The following MAPK4 variants were observed in gnomAD, a reference collection of about 807,000 sequenced individuals.
MAPK4 encodes the protein mitogen-activated protein kinase 4, also known as Erk3-related.
A neutral mutation model predicts 47.7 loss-of-function variants in MAPK4; 22 were observed. That is an observed-to-expected ratio of 0.46 (90% confidence interval 0.33 to 0.66). The LOEUF is 0.66. Ranked by LOEUF, MAPK4 falls within the 30% of genes least tolerant of loss-of-function variation. The probability of loss-of-function intolerance (pLI) is 0.02; values close to 1 mark genes in which losing one functional copy is unlikely to be tolerated. For synonymous variants in MAPK4, 390 were observed against 365.7 expected, an observed-to-expected ratio of 1.07 and a Z score of -0.76; for missense variants, 736 against 831.7, an observed-to-expected ratio of 0.88 and a Z score of 1.42.
chr18:50,655,044 C>T (rs1323860163), intron 1 of MAPK4, among the ~76,000 whole-genome samples: 1 of 152,238 alleles, frequency 6.6e-6, no homozygotes, highest in Non-Finnish European at 1.5e-5. Context: ...CCTCTAACCA[C>T]CCCACCTCAG....
At chr18:50,728,180 T>C (rs1446491263) in intron 5 of MAPK4, among the ~76,000 whole-genome samples, 2 of 152,332 alleles carry the variant, frequency 1.3e-5, no homozygotes, top group South Asian at 2.1e-4. Flanking sequence ...TGCAGGCTGA[T>C]GTCCTCTGTG....
chr18:50,578,773 A>G (rs961927920), intron 1 of MAPK4, among the ~76,000 whole-genome samples: 1 of 152,168 alleles, frequency 6.6e-6, no homozygotes, highest in South Asian at 2.1e-4. Context: ...AAAGGACACC[A>G]CAGTACTGCT....
chr18:50,644,513 T>C (rs989452398), intron 1 of MAPK4, among the ~76,000 whole-genome samples: 2 of 152,094 alleles, frequency 1.3e-5, no homozygotes, highest in African/African-American at 4.8e-5. Flanking sequence ...TACCCACTGC[T>C]CCAAAGGGCT....
intron 2 of MAPK4, among the ~76,000 whole-genome samples, chr18:50,665,402 G>A (rs1167347071): frequency 6.6e-6 from 1 of 152,152 alleles, no homozygotes; most frequent in African/African-American, 2.4e-5. Context: ...GCTGGCTGTG[G>A]CTTCCAGCCT....
chr18:50,610,622 A>G (rs1568044277), intron 1 of MAPK4, among the ~76,000 whole-genome samples: 1 of 152,212 alleles, frequency 6.6e-6, no homozygotes, highest in South Asian at 2.1e-4. Context: ...CCAGCCCAGT[A>G]TAATTGAACA....
intron 1 of MAPK4, among the ~76,000 whole-genome samples, chr18:50,593,926 G>A (rs891481499): frequency 1.3e-5 from 2 of 152,200 alleles, no homozygotes; most frequent in Non-Finnish European, 2.9e-5. Flanking sequence ...CAAACTGTCT[G>A]CAAGGTGTGG....
chr18:50,654,515 T>C (rs2144220132), intron 1 of MAPK4, among the ~76,000 whole-genome samples: 1 of 152,318 alleles, frequency 6.6e-6, no homozygotes, highest in Non-Finnish European at 1.5e-5. Flanking sequence ...ATAATTGCAC[T>C]GATTTAGATT....
intron 1 of MAPK4, among the ~76,000 whole-genome samples, chr18:50,592,349 G>C (rs2042443735): frequency 6.6e-6 from 1 of 152,164 alleles, no homozygotes; most frequent in Non-Finnish European, 1.5e-5. Context: ...CAGGGCTCGA[G>C]GAGAAACAGT....
intron 2 of MAPK4, among the ~76,000 whole-genome samples, chr18:50,676,872 C>T (rs1476554030): frequency 6.6e-6 from 1 of 152,132 alleles, no homozygotes. Context: ...AAGTTTAAAA[C>T]AAGGAGAAAA....
intron 2 of MAPK4, among the ~76,000 whole-genome samples, chr18:50,668,204 C>T (rs985095321): frequency 2.2e-4 from 33 of 152,202 alleles, no homozygotes; most frequent in Non-Finnish European, 1.0e-4. Context: ...AGGTCCTGAG[C>T]ACAGAAGCAT....
intron 1 of MAPK4, among the ~76,000 whole-genome samples, chr18:50,642,257 G>A (rs1568058456): frequency 6.6e-6 from 1 of 152,278 alleles, no homozygotes; most frequent in African/African-American, 2.4e-5. Flanking sequence ...ATGTATTATT[G>A]TATATTTGGG....
intron 1 of MAPK4, among the ~76,000 whole-genome samples, chr18:50,575,575 G>A (rs1422814685): frequency 6.6e-6 from 1 of 151,996 alleles, no homozygotes; most frequent in East Asian, 1.9e-4. Flanking sequence ...AAAGTGTAAG[G>A]CAAAGATTTC....
In MAPK4 at chr18:50,725,631, C is replaced by A. The variant is rs1250810439; in HGVS notation, c.854-331C>A. On this transcript the variant is annotated intron_variant, in intron 4 of 5. Coordinates refer to ENST00000400384, the MANE Select transcript of MAPK4 (RefSeq NM_002747.4). ...GTTCCCCCTCACTCCCCCACCTGTG[C>A]TTGCTGGGATCCCCCACCACATAAA... Among the ~76,000 whole-genome samples the A allele has an allele frequency of 2.6e-5, 4 of 152,204 alleles. No individual in the cohort carries two copies. The East Asian group carries it at 5.8e-4, about 22-fold the overall frequency.
rs549300580 is a variant in MAPK4 at position 50,571,585 on chromosome 18, C to A, written c.-871+11342C>A. 4.6e-5 allele frequency among the ~76,000 whole-genome samples: 7 copies of A among 152,268 alleles called. No individual in the cohort carries two copies. In the South Asian group the frequency reaches 1.5e-3, roughly 32 times the overall value. On this transcript the variant is annotated intron_variant, in intron 1 of 5. Transcript: ENST00000400384. ...TCACTTTAGGTACAAGCCCAAATTT[C>A]TTTTATCAGTAACTTGGGCTCTTAA...
chr18:50,645,392 A>G (rs1309121589), intron 1 of MAPK4, among the ~76,000 whole-genome samples: 1 of 152,262 alleles, frequency 6.6e-6, no homozygotes, highest in Non-Finnish European at 1.5e-5. Flanking sequence ...TGACAGCACC[A>G]TGAGCTCTCA....
In MAPK4 at chr18:50,611,143, A is replaced by G. The variant is rs1409243190; in HGVS notation, c.-871+50900A>G. 2.0e-5 allele frequency among the ~76,000 whole-genome samples: 3 copies of G among 152,222 alleles called. No individual in the cohort carries two copies. The East Asian group carries it at 5.8e-4, about 29-fold the overall frequency. On this transcript the variant is annotated intron_variant, in intron 1 of 5. Transcript: ENST00000400384. ...AAGAGCAGGTTCTCGCTTACGTGAC[A>G]AAATGTCTCAAATTTGGGTAGGTTC... is the stretch of plus-strand genomic sequence containing the variant.
intron 1 of MAPK4, among the ~76,000 whole-genome samples, chr18:50,633,133 A>G (rs17662516): frequency 0.16 from 24,449 of 152,202 alleles, 2,008 homozygotes; most frequent in Non-Finnish European, 0.18. Context: ...GCAGGGAAGA[A>G]TCAGCACAGC....
intron 1 of MAPK4, among the ~76,000 whole-genome samples, chr18:50,569,834 A>G (rs3853680): frequency 0.78 from 118,107 of 152,218 alleles, 46,077 homozygotes; most frequent in Middle Eastern, 0.84. Context: ...GGCCGTCAAT[A>G]CGCTGCTCAG....
intron 1 of MAPK4, among the ~76,000 whole-genome samples, chr18:50,623,296 TGC>T (rs1188693153): frequency 1.3e-5 from 2 of 152,212 alleles, no homozygotes; most frequent in Non-Finnish European, 2.9e-5. Context: ...ATCAAGCTCC[TGC>T]GAGCCAGCGG....
Sources: allele counts gnomAD v4.1 joint callset (sites outside exome capture counted in the v4.1 genomes callset), GRCh38; gene constraint gnomAD v4.1.1; transcripts MANE v1.5; gene names NCBI Gene and HGNC (gene_info 2026-07-23, HGNC 2026-07-21).